The following USP42 variants were observed in gnomAD, a reference collection of about 807,000 sequenced individuals.
The protein encoded by USP42 is ubiquitin specific peptidase 42, also known as ubiquitin carboxyl-terminal hydrolase 42.
In USP42, 23 loss-of-function variants were observed where a neutral mutation model predicts 113.0. That is an observed-to-expected ratio of 0.20 (90% CI 0.15 to 0.29). USP42 has a LOEUF of 0.29. USP42 is among the 10% of genes least tolerant of loss of function. The probability of loss-of-function intolerance (pLI) is 1.00; values close to 1 mark genes in which losing one functional copy is unlikely to be tolerated. For synonymous variants in USP42, 933 were observed against 699.0 expected (o/e 1.33, Z -5.28); for missense variants, 2,174 against 1,779.8 (o/e 1.22, Z -3.99).
chr7:6,134,565 C>T (rs1781025414), intron 3 of USP42, among the ~76,000 whole-genome samples: 2 of 152,206 alleles, frequency 1.3e-5, no homozygotes, highest in African/African-American at 2.4e-5. Flanking sequence ...GTGCTGCCAA[C>T]ACTTTGGGTG....
Position 6,135,848 on chromosome 7 carries a change from A to C in USP42, c.450A>C (p.Ala150=). 1.3e-6 allele frequency: 2 copies of C among 1,595,628 alleles called. No homozygotes were observed. Among genetic ancestry groups the C allele is most frequent in the Non-Finnish European group, 1.7e-6 (2 of 1,172,806 alleles). ...LSHEHSKTCH[A]EGFCMMCTMQ... ...TTATCATCTATCTTTCAGGTCATGC[A>C]GAAGGCTTTTGTATGATGTGTACAA... The change falls in exon 4 of 18, where the codon GCA becomes GCC. Residue 150 remains alanine, a synonymous_variant. Transcript: ENST00000306177.
At chr7:6,141,953 C>T (rs1056833414) in intron 7 of USP42, among the ~76,000 whole-genome samples, 5 of 152,082 alleles carry the variant, frequency 3.3e-5, no homozygotes, top group Non-Finnish European at 5.9e-5. Context: ...CTCACTGTTC[C>T]GTGTAATTCT....
At chr7:6,095,452 G>C in the USP42 span, among the ~76,000 whole-genome samples, 1 of 150,872 alleles carries the variant, frequency 6.6e-6, no homozygotes, top group African/African-American at 2.5e-5. Flanking sequence ...GGCAGATCAC[G>C]AAGTCAGGAG....
At position 6,129,724 on chromosome 7, in the gene USP42, G is replaced by A. The variant is rs1451015547; in HGVS notation, c.443-6117G>A. On this transcript the variant is annotated intron_variant, in intron 3 of 17. Transcript: ENST00000306177. ...AAAAATACAAAAATTAGCCAGGTGT[G>A]GTGGTGCACACCTCTAATCCTAGCT... Among the ~76,000 whole-genome samples the A allele has an allele frequency of 6.6e-5, 10 of 152,108 alleles. No individual in the cohort carries two copies. In the South Asian group the frequency reaches 1.7e-3, roughly 25 times the overall value.
chr7:6,144,721 T>C (rs1486546251), intron 9 of USP42, among the ~76,000 whole-genome samples: 1 of 152,018 alleles, frequency 6.6e-6, no homozygotes, highest in African/African-American at 2.4e-5. Context: ...AATACTAAAA[T>C]TAGCTGGGTG....
chr7:6,117,570 T>C (rs917867224), intron 3 of USP42, among the ~76,000 whole-genome samples: 1 of 152,190 alleles, frequency 6.6e-6, no homozygotes, highest in African/African-American at 2.4e-5. Flanking sequence ...AGGAGTAAAA[T>C]GGCTTGGTCC....
At position 6,154,804 on chromosome 7, in the gene USP42, G is replaced by A. The variant is rs997777205; in HGVS notation, c.3250G>A (p.Glu1084Lys). 1.3e-6 allele frequency: 2 copies of A among 1,545,854 alleles called. No individual in the cohort carries two copies. The highest frequency in any genetic ancestry group is 8.7e-7 in the Non-Finnish European group (1 of 1,144,556). ...GCCCTTCCACGGCGGCCGCGAGCAC[G>A]AGCGGGCCGGGCTGCACGAGCGGCC... ...WKPFHGGREH[E>K]RAGLHERPHK... The change falls in exon 15 of 18, where the codon GAG (glutamate) becomes AAG (lysine). Residue 1084 changes from glutamate (E) to lysine (K), a missense_variant. Physicochemically the swap from Glu to Lys is moderately conservative, Grantham distance 56. Coordinates refer to ENST00000306177, the MANE Select transcript of USP42 (RefSeq NM_032172.3).
chr7:6,127,185 T>C (rs552866995), intron 3 of USP42, among the ~76,000 whole-genome samples: 2 of 152,352 alleles, frequency 1.3e-5, no homozygotes, highest in South Asian at 4.1e-4. Flanking sequence ...TCTTTGTTGT[T>C]GTACTGTCAA....
intron 3 of USP42, among the ~76,000 whole-genome samples, chr7:6,129,358 C>A (rs1009988262): frequency 2.0e-5 from 3 of 151,144 alleles, no homozygotes; most frequent in African/African-American, 7.3e-5. Flanking sequence ...GAGTTTGAGA[C>A]CAGCCTGGCC....
the USP42 span, among the ~76,000 whole-genome samples, chr7:6,091,740 C>G: frequency 7.2e-6 from 1 of 139,548 alleles, no homozygotes; most frequent in Non-Finnish European, 1.6e-5. Context: ...ATTTAATAGT[C>G]TGGTAAAAAA....
Position 6,149,589 on chromosome 7 carries a change from C to G in USP42, c.1393C>G (p.Pro465Ala), listed in dbSNP as rs1781917033. 7.4e-6 allele frequency: 12 copies of G among 1,611,260 alleles called. No homozygotes were observed. Among genetic ancestry groups the G allele is most frequent in the Non-Finnish European group, 1.0e-5 (12 of 1,178,032 alleles). Residue 465 changes from proline to alanine, a missense_variant, in exon 13 of 18, where the codon CCT becomes GCT. Pro to Ala is a conservative substitution (Grantham distance 27, BLOSUM62 -1). Transcript: ENST00000306177. ...QLPSHMIKNP[P>A]HLNGTGPLKD... is the part of the protein sequence containing the mutation. The stretch of plus-strand genomic sequence containing the variant: ...GCGCTCTGCTTACTTCCAGAATCCA[C>G]CTCACTTAAATGGGACTGGACCATT...
chr7:6,120,042 T>G (rs1399176164), intron 3 of USP42, among the ~76,000 whole-genome samples: 1 of 152,230 alleles, frequency 6.6e-6, no homozygotes, highest in Non-Finnish European at 1.5e-5. Flanking sequence ...CTCGGCTCAC[T>G]GCAACCTACG....
chr7:6,143,845 C>T (rs1012421485), intron 8 of USP42, among the ~76,000 whole-genome samples: 4 of 152,168 alleles, frequency 2.6e-5, no homozygotes, highest in East Asian at 1.9e-4. Context: ...TGGTGGCTTG[C>T]GTGGCTTGGT....
rs370313212 is a variant in USP42, at chr7:6,145,579, A to G, written c.1054A>G (p.Ile352Val). Residue 352 changes from isoleucine (I) to valine (V), a missense_variant, in exon 10 of 18, where the codon ATT becomes GTT. Physicochemically the swap from Ile to Val is conservative, Grantham distance 29. Coordinates refer to ENST00000306177, the MANE Select transcript of USP42 (RefSeq NM_032172.3). ...TATGTCTCAACCCAACGGAGAGCCA[A>G]TTGTCTACGTCTTGTATGCAGTGCT... is the stretch of plus-strand genomic sequence containing the variant. The part of the protein sequence containing the change: ...PYMSQPNGEP[I>V]VYVLYAVLVH... 42 of 1,613,984 alleles carry G rather than the reference A, an allele frequency of 2.6e-5. No homozygotes were observed. The highest frequency in any genetic ancestry group is 2.0e-4 in the South Asian group (18 of 91,084).
intron 3 of USP42, among the ~76,000 whole-genome samples, chr7:6,123,849 AAAG>A: frequency 6.6e-6 from 1 of 150,458 alleles, no homozygotes. Flanking sequence ...AAAAAAAAAA[AAAG>A]CCACTCCAGT....
chr7:6,125,076 G>A (rs1456802822), intron 3 of USP42, among the ~76,000 whole-genome samples: 1 of 151,608 alleles, frequency 6.6e-6, no homozygotes, highest in Non-Finnish European at 1.5e-5. Flanking sequence ...AGTTATTCAG[G>A]AGGCTGAGGC....
chr7:6,159,769 T>G lies in USP42; in HGVS notation c.*36+276T>G, dbSNP rs540730573. ...TCGCCCTGTTCCCTTGTGCCTCACT[T>G]GGGAAAAGCCAACCCGGCTCACAGC... On this transcript the variant is annotated intron_variant, in intron 17 of 17. Transcript: ENST00000306177. The surrounding 1 kb of genome is among the most constrained non-coding windows in gnomAD (Gnocchi z 4.1). Among the ~76,000 whole-genome samples the G allele has an allele frequency of 6.6e-6, 1 of 152,334 alleles. No homozygotes were observed. Among genetic ancestry groups the G allele is most frequent in the South Asian group, 2.1e-4 (1 of 4,834 alleles).
chr7:6,148,456 A>G (rs917868329), intron 12 of USP42, among the ~76,000 whole-genome samples: 2 of 152,242 alleles, frequency 1.3e-5, no homozygotes, highest in Admixed American at 6.5e-5. Context: ...CTGGACTTCC[A>G]TTCTTCTCAA....
chr7:6,152,049 C>A (rs889638949), intron 14 of USP42, among the ~76,000 whole-genome samples: 1 of 152,156 alleles, frequency 6.6e-6, no homozygotes, highest in Non-Finnish European at 1.5e-5. Context: ...AAAATCATGT[C>A]ATGTTAGTGA....
Sources: allele counts gnomAD v4.1 joint callset (sites outside exome capture counted in the v4.1 genomes callset), GRCh38; gene constraint gnomAD v4.1.1; non-coding constraint Gnocchi (gnomAD v3.1); transcripts MANE v1.5; gene names NCBI Gene and HGNC (gene_info 2026-07-23, HGNC 2026-07-21).